Variants in NTRK2 observed in about 807,000 individuals in gnomAD.
NTRK2 encodes the protein BDNF/NT-3 growth factors receptor.
NTRK2 carries 13 observed loss-of-function variants against 94.5 expected under a neutral mutation model. The observed-to-expected ratio is 0.14, with a 90% CI of 0.09 to 0.22. NTRK2 has a LOEUF of 0.22. Among genes scored for constraint, NTRK2 ranks in the 10% least tolerant of loss-of-function variants. NTRK2 has a pLI of 1.00. For missense variants in NTRK2, 639 were observed against 1,071.2 expected (o/e 0.60, Z 5.63); for synonymous variants, 372 against 407.4 (o/e 0.91, Z 1.05).
At chr9:84,891,826 T>C (rs1378307108) in intron 14 of NTRK2, among the ~76,000 whole-genome samples, 2 of 152,174 alleles carry the variant, frequency 1.3e-5, no homozygotes, top group African/African-American at 4.8e-5. Context: ...AAGACCCTGT[T>C]TTATTAAGAT....
At chr9:84,938,897 A>G (rs913016435) in intron 15 of NTRK2, among the ~76,000 whole-genome samples, 2 of 151,888 alleles carry the variant, frequency 1.3e-5, no homozygotes, top group African/African-American at 2.4e-5. Context: ...CAAAAAATAC[A>G]AAAAGTTAGC....
At chr9:84,721,524 T>G (rs1564123764) in intron 6 of NTRK2, among the ~76,000 whole-genome samples, 2 of 152,080 alleles carry the variant, frequency 1.3e-5, no homozygotes, top group South Asian at 4.1e-4. Flanking sequence ...TTACAGCACA[T>G]GAAAAAATGT....
intron 12 of NTRK2, 113 bp from the exon 13 acceptor site, chr9:84,860,926 TA>T: frequency 3.2e-5 from 16 of 504,632 alleles, no homozygotes; most frequent in Middle Eastern, 3.3e-4. Context: ...TTTATTTATT[TA>T]TTTATTTTTG....
intron 2 of NTRK2, among the ~76,000 whole-genome samples, chr9:84,679,506 G>A (rs1040955245): frequency 4.6e-5 from 7 of 152,142 alleles, no homozygotes; most frequent in Non-Finnish European, 5.9e-5. Context: ...ATAACTGAAA[G>A]GAGCGCTGGT....
At position 84,873,664 on chromosome 9, in the gene NTRK2, A is replaced by G; in HGVS notation, c.1633+6233A>G. The stretch of plus-strand genomic sequence containing the variant: ...CATAATTACATTTAAAATGTAAGCC[A>G]TGTTATTATAAGCCGCACTGAGATG... On this transcript the variant is annotated intron_variant, in intron 14 of 18. Transcript: ENST00000277120. 1.9e-6 allele frequency: 2 copies of G among 1,055,136 alleles called. 1 individual carries two copies. Among genetic ancestry groups the G allele is most frequent in the Non-Finnish European group, 2.3e-6 (2 of 872,948 alleles). 65.4% of individuals were successfully genotyped at this position (1,055,136 alleles called of 1,614,324 possible).
At position 84,899,123 on chromosome 9, in the gene NTRK2, C is replaced by T. The variant is rs191092197; in HGVS notation, c.1633+31692C>T. Among the ~76,000 whole-genome samples the T allele has an allele frequency of 1.3e-4, 20 of 152,276 alleles. 1 individual carries two copies. The highest frequency in any genetic ancestry group is 4.6e-4 in the African/African-American group (19 of 41,552). On this transcript the variant is annotated intron_variant, in intron 14 of 18. Coordinates refer to ENST00000277120, the MANE Select transcript of NTRK2 (RefSeq NM_006180.6). ...GGAGCTGAGGGGGTTGATAATTCTCCAACCTAACATACAGCTCCTCTTAGA... is the reference window on the plus strand; with the variant it reads ...GGAGCTGAGGGGGTTGATAATTCTCTAACCTAACATACAGCTCCTCTTAGA...
intron 14 of NTRK2, among the ~76,000 whole-genome samples, chr9:84,931,716 C>CAAAAAAAAAAAA (rs11395381): frequency 1.6e-4 from 16 of 100,356 alleles, no homozygotes; most frequent in African/African-American, 2.6e-4. Context: ...TAATAAAATG[C>CAAAAAAAAAAAA]AAAAAAAAAA....
At chr9:84,913,212 T>C (rs1308926797) in intron 14 of NTRK2, among the ~76,000 whole-genome samples, 1 of 152,210 alleles carries the variant, frequency 6.6e-6, no homozygotes, top group Non-Finnish European at 1.5e-5. Flanking sequence ...GGAGTGCATC[T>C]CTTTGTATGC....
chr9:84,814,178 A>G, intron 12 of NTRK2: 1 of 1,065,616 alleles, frequency 9.4e-7, no homozygotes. Flanking sequence ...TCCCAGCCCC[A>G]CCCAGCAACA....
At chr9:84,856,675 G>A (rs909488766) in intron 12 of NTRK2, among the ~76,000 whole-genome samples, 2 of 152,150 alleles carry the variant, frequency 1.3e-5, no homozygotes, top group Non-Finnish European at 2.9e-5. Context: ...GAAGTTGGAG[G>A]TGAAGTCCAT....
intron 14 of NTRK2, among the ~76,000 whole-genome samples, chr9:84,893,150 C>T (rs574197353): frequency 6.6e-6 from 1 of 152,276 alleles, no homozygotes; most frequent in South Asian, 2.1e-4. Context: ...TATTACCTCA[C>T]AAAGGTCTCT....
At chr9:84,816,929 A>G (rs2072460034) in intron 12 of NTRK2, among the ~76,000 whole-genome samples, 1 of 152,196 alleles carries the variant, frequency 6.6e-6, no homozygotes, top group African/African-American at 2.4e-5. Context: ...AGTGGCAGGC[A>G]TTTGTCACAG....
At chr9:84,784,497 T>C (rs1290660942) in intron 12 of NTRK2, among the ~76,000 whole-genome samples, 1 of 152,194 alleles carries the variant, frequency 6.6e-6, no homozygotes, top group African/African-American at 2.4e-5. Context: ...TTATGCATGT[T>C]ACAGGGGTAG....
chr9:84,936,812 T>A (rs2078227782), intron 15 of NTRK2, among the ~76,000 whole-genome samples: 1 of 152,152 alleles, frequency 6.6e-6, no homozygotes, highest in African/African-American at 2.4e-5. Context: ...CATTCTAACT[T>A]CATGGTCACA....
chr9:84,989,988 A>G (rs1828845816), intron 17 of NTRK2, among the ~76,000 whole-genome samples: 1 of 152,152 alleles, frequency 6.6e-6, no homozygotes, highest in Non-Finnish European at 1.5e-5. Context: ...ACAATATCCC[A>G]ACATTGGTGG....
chr9:85,000,180 C>T (rs1830180486), intron 17 of NTRK2, among the ~76,000 whole-genome samples: 3 of 152,154 alleles, frequency 2.0e-5, no homozygotes, highest in African/African-American at 7.2e-5. Flanking sequence ...ACAGCCTCCC[C>T]CACTGTTAAC....
At chr9:84,973,631 G>A (rs140975269) in intron 17 of NTRK2, among the ~76,000 whole-genome samples, 3 of 152,268 alleles carry the variant, frequency 2.0e-5, no homozygotes, top group South Asian at 2.1e-4. Flanking sequence ...GCTAAATAAC[G>A]ATTTCTGTGC....
At chr9:84,696,476 C>G (rs534980268) in intron 2 of NTRK2, among the ~76,000 whole-genome samples, 11 of 152,294 alleles carry the variant, frequency 7.2e-5, no homozygotes, top group African/African-American at 2.6e-4. Context: ...AGAAGTGAAG[C>G]TGTGTCCTAT....
At chr9:84,930,194 T>C (rs1316225061) in intron 14 of NTRK2, among the ~76,000 whole-genome samples, 1 of 152,258 alleles carries the variant, frequency 6.6e-6, no homozygotes, top group African/African-American at 2.4e-5. Context: ...GTTAGCCTAA[T>C]GTCACACAAT....
Sources: allele counts gnomAD v4.1 joint callset (sites outside exome capture counted in the v4.1 genomes callset), GRCh38; gene constraint gnomAD v4.1.1; transcripts MANE v1.5; gene names NCBI Gene and HGNC (gene_info 2026-07-23, HGNC 2026-07-21).